The following GRID2 variants were observed in gnomAD, a reference collection of about 807,000 sequenced individuals.
The protein encoded by GRID2 is glutamate ionotropic receptor delta type subunit 2.
GRID2 carries 33 observed loss-of-function variants against 114.8 expected under a neutral mutation model. That is an observed-to-expected ratio of 0.29 (90% CI 0.22 to 0.38). The LOEUF is 0.38. Among genes scored for constraint, GRID2 ranks in the 10% least tolerant of loss-of-function variants. The probability of loss-of-function intolerance (pLI) is 1.00; values close to 1 mark genes in which losing one functional copy is unlikely to be tolerated. For synonymous variants in GRID2, 505 were observed against 449.9 expected (o/e 1.12, Z -1.55); for missense variants, 1,184 against 1,257.7 (o/e 0.94, Z 0.89).
At chr4:92,652,896 A>ACATATAAATATATATTTATAAATG (rs1732023365) in intron 2 of GRID2, among the ~76,000 whole-genome samples, 1 of 141,026 alleles carries the variant, frequency 7.1e-6, no homozygotes, top group Admixed American at 7.3e-5. Context: ...ATTTATAAAT[A>ACATATAAATATATATTTATAAATG]CATATAAATA....
At position 92,942,534 on chromosome 4, in the gene GRID2, C is replaced by G. The variant is rs190059297; in HGVS notation, c.245-142461C>G. On this transcript the variant is annotated intron_variant, in intron 2 of 15. Transcript: ENST00000282020. Reference sequence around the variant, plus strand: ...TTGACTCTTTATCCAATTTGCCAGACTGTGTCTTTTAATTGGAGCATTTAT... The same window carrying G: ...TTGACTCTTTATCCAATTTGCCAGAGTGTGTCTTTTAATTGGAGCATTTAT... 1.5e-3 allele frequency among the ~76,000 whole-genome samples: 221 copies of G among 152,278 alleles called. 1 individual carries two copies. Among genetic ancestry groups the G allele is most frequent in the African/African-American group, 4.8e-3 (198 of 41,564 alleles).
chr4:92,874,430 C>CA (rs1361799193), intron 2 of GRID2, among the ~76,000 whole-genome samples: 1 of 152,064 alleles, frequency 6.6e-6, no homozygotes, highest in Non-Finnish European at 1.5e-5. Context: ...ATAATATTAT[C>CA]GTCTATGCTT....
intron 12 of GRID2, among the ~76,000 whole-genome samples, 194 bp downstream of exon 12, chr4:93,490,971 T>G (rs1726941530): frequency 1.3e-5 from 2 of 151,890 alleles, no homozygotes; most frequent in African/African-American, 4.8e-5. Context: ...AGAGCATTTT[T>G]TATAAAGTAA....
intron 4 of GRID2, among the ~76,000 whole-genome samples, chr4:93,193,652 A>G (rs1375523986): frequency 1.3e-5 from 2 of 152,202 alleles, no homozygotes; most frequent in Non-Finnish European, 2.9e-5. Context: ...GTATGGACTA[A>G]TATATCCTTA....
intron 2 of GRID2, among the ~76,000 whole-genome samples, chr4:92,777,341 A>C (rs2149356228): frequency 6.6e-6 from 1 of 152,062 alleles, no homozygotes; most frequent in Admixed American, 6.6e-5. Flanking sequence ...GATAGTCATT[A>C]TGTTTTGCTT....
At chr4:92,604,374 T>TTATGTCA (rs1377842711) in intron 2 of GRID2, among the ~76,000 whole-genome samples, 3 of 152,132 alleles carry the variant, frequency 2.0e-5, no homozygotes, top group African/African-American at 7.2e-5. Flanking sequence ...AGGAATGAGA[T>TTATGTCA]TATGTCATTT....
At chr4:92,624,253 C>T (rs923815185) in intron 2 of GRID2, among the ~76,000 whole-genome samples, 11 of 151,822 alleles carry the variant, frequency 7.2e-5, no homozygotes, top group Non-Finnish European at 1.5e-4. Context: ...TAAAGTGGCA[C>T]AAACAATCTT....
chr4:92,990,451 A>G (rs1754820704), intron 2 of GRID2, among the ~76,000 whole-genome samples: 1 of 151,640 alleles, frequency 6.6e-6, no homozygotes, highest in African/African-American at 2.4e-5. Flanking sequence ...CTGGGATTAC[A>G]GGTGCACGCC....
chr4:93,209,343 T>C (rs940295844), intron 5 of GRID2, among the ~76,000 whole-genome samples: 1 of 152,090 alleles, frequency 6.6e-6, no homozygotes, highest in Non-Finnish European at 1.5e-5. Context: ...AGTGAGAACA[T>C]GAGGTATTTG....
chr4:92,729,252 A>G (rs531406306), intron 2 of GRID2, among the ~76,000 whole-genome samples: 1 of 152,216 alleles, frequency 6.6e-6, no homozygotes, highest in East Asian at 1.9e-4. Flanking sequence ...ATGCACTTGG[A>G]CACATCATTT....
At chr4:93,285,861 C>T (rs892797187) in intron 8 of GRID2, among the ~76,000 whole-genome samples, 1 of 151,810 alleles carries the variant, frequency 6.6e-6, no homozygotes, top group African/African-American at 2.4e-5. Context: ...ATTTATGTTG[C>T]TTGAAAATAA....
chr4:93,320,377 A>G (rs1489455230), intron 8 of GRID2, among the ~76,000 whole-genome samples: 1 of 152,168 alleles, frequency 6.6e-6, no homozygotes, highest in Admixed American at 6.6e-5. Context: ...CTGTGTCAAT[A>G]AGTGATTCTC....
At chr4:93,621,001 T>A (rs6842880) in intron 13 of GRID2, among the ~76,000 whole-genome samples, 18,741 of 152,200 alleles carry the variant, frequency 0.12, 1,214 homozygotes, top group Middle Eastern at 0.14. Context: ...ACAACAATTT[T>A]GTACTTGACT....
At chr4:93,334,657 A>T (rs1179610048) in intron 8 of GRID2, among the ~76,000 whole-genome samples, 1 of 152,210 alleles carries the variant, frequency 6.6e-6, no homozygotes, top group Non-Finnish European at 1.5e-5. Flanking sequence ...GTTTTAGTCA[A>T]AATCATGACC....
chr4:93,740,126 T>C (rs1731244635), intron 14 of GRID2, among the ~76,000 whole-genome samples: 1 of 152,196 alleles, frequency 6.6e-6, no homozygotes, highest in African/African-American at 2.4e-5. Flanking sequence ...TGTTTGGATA[T>C]ATTTAGATAC....
At chr4:92,983,412 A>G (rs1201417192) in intron 2 of GRID2, among the ~76,000 whole-genome samples, 1 of 152,054 alleles carries the variant, frequency 6.6e-6, no homozygotes, top group African/African-American at 2.4e-5. Context: ...TCAGCTCTTA[A>G]TGGCCCCACC....
At chr4:93,556,921 G>T (rs1734378233) in intron 13 of GRID2, among the ~76,000 whole-genome samples, 2 of 152,204 alleles carry the variant, frequency 1.3e-5, no homozygotes, top group African/African-American at 4.8e-5. Flanking sequence ...AGCCAGAAGA[G>T]AGTGGGGGCC....
At chr4:93,660,242 A>T (rs192651555) in intron 14 of GRID2, among the ~76,000 whole-genome samples, 2 of 152,304 alleles carry the variant, frequency 1.3e-5, no homozygotes. Flanking sequence ...GCTCCTATAC[A>T]TGTAAAATTA....
At chr4:93,781,593 G>A (rs1353551166) in intron 1 of GRID2, among the ~76,000 whole-genome samples, 1 of 152,170 alleles carries the variant, frequency 6.6e-6, no homozygotes, top group East Asian at 1.9e-4. Context: ...ATCCAAGGAT[G>A]CCCAGACCCT....
Sources: gnomAD v4.1 joint callset for allele counts (sites outside exome capture counted in the v4.1 genomes callset) on GRCh38, gnomAD v4.1.1 for gene constraint, MANE v1.5 for transcripts, NCBI Gene and HGNC (gene_info 2026-07-23, HGNC 2026-07-21) for gene names.